Variants in QTMAN observed in about 807,000 individuals in gnomAD.
The protein encoded by QTMAN is tRNA-queuosine alpha-mannosyltransferase.
At chr2:144,014,205 G>A in the QTMAN span, among the ~76,000 whole-genome samples, 1 of 152,154 alleles carries the variant, frequency 6.6e-6, no homozygotes, top group Non-Finnish European at 1.5e-5. Context: ...GGTGGCACAT[G>A]TCTATGAAGG....
the QTMAN span, among the ~76,000 whole-genome samples, chr2:144,274,745 G>C: frequency 2.0e-5 from 3 of 152,068 alleles, no homozygotes; most frequent in Non-Finnish European, 4.4e-5. Flanking sequence ...TAATAACCCA[G>C]GAAACATAAG....
the QTMAN span, among the ~76,000 whole-genome samples, chr2:144,280,236 T>C: frequency 3.3e-5 from 5 of 152,176 alleles, no homozygotes; most frequent in African/African-American, 9.7e-5. Flanking sequence ...TTCTCTTTTA[T>C]TTACTAACAG....
chr2:144,255,734 T>G, the QTMAN span, among the ~76,000 whole-genome samples: 1 of 152,228 alleles, frequency 6.6e-6, no homozygotes, highest in Non-Finnish European at 1.5e-5. Flanking sequence ...CAGAGGATTT[T>G]TAGGGCATTA....
the QTMAN span, among the ~76,000 whole-genome samples, chr2:144,222,534 T>C: frequency 6.6e-6 from 1 of 151,298 alleles, no homozygotes; most frequent in African/African-American, 2.4e-5. Context: ...AGGCTGGGCG[T>C]GGTGGCTCAC....
chr2:144,061,779 G>T, the QTMAN span, among the ~76,000 whole-genome samples: 19 of 152,022 alleles, frequency 1.2e-4, no homozygotes, highest in Non-Finnish European at 2.4e-4. Flanking sequence ...CCCATCCTGT[G>T]CCCATATAAA....
the QTMAN span, among the ~76,000 whole-genome samples, chr2:144,018,659 G>T: frequency 6.6e-6 from 1 of 152,160 alleles, no homozygotes; most frequent in Non-Finnish European, 1.5e-5. Context: ...AGGCTTGAAG[G>T]CAAAGACAGC....
chr2:143,949,241 C>T, the QTMAN span, among the ~76,000 whole-genome samples: 1 of 151,926 alleles, frequency 6.6e-6, no homozygotes, highest in East Asian at 1.9e-4. Context: ...AAGTGTTCTG[C>T]GATAGAAGGA....
the QTMAN span, among the ~76,000 whole-genome samples, chr2:144,113,506 A>G: frequency 6.6e-6 from 1 of 152,340 alleles, no homozygotes; most frequent in African/African-American, 2.4e-5. Flanking sequence ...TTACACTCCC[A>G]GAAGAACAGA....
At chr2:144,302,533 C>A in the QTMAN span, among the ~76,000 whole-genome samples, 2 of 152,096 alleles carry the variant, frequency 1.3e-5, no homozygotes, top group African/African-American at 4.8e-5. Flanking sequence ...AAACTTATTA[C>A]CTCAAAAAGC....
chr2:144,332,534 C>G, the QTMAN span: 1 of 148,008 alleles, frequency 6.8e-6, no homozygotes, highest in Non-Finnish European at 1.5e-5. Flanking sequence ...GCGGCCGCCG[C>G]GGATGCCGCC....
chr2:144,214,076 G>A, the QTMAN span, among the ~76,000 whole-genome samples: 2 of 152,094 alleles, frequency 1.3e-5, no homozygotes, highest in Admixed American at 6.6e-5. Flanking sequence ...TCATTAAATA[G>A]TAAAAATAAG....
At chr2:144,222,249 C>T in the QTMAN span, among the ~76,000 whole-genome samples, 2 of 151,136 alleles carry the variant, frequency 1.3e-5, no homozygotes, top group South Asian at 4.2e-4. Context: ...TTAGTAGAGA[C>T]GAGGTTTCAC....
At chr2:144,087,458 G>A in the QTMAN span, among the ~76,000 whole-genome samples, 1 of 151,986 alleles carries the variant, frequency 6.6e-6, no homozygotes, top group Non-Finnish European at 1.5e-5. Context: ...CTCATTCTAT[G>A]AGGCCAGCAT....
At chr2:144,269,885 T>C in the QTMAN span, among the ~76,000 whole-genome samples, 3 of 151,756 alleles carry the variant, frequency 2.0e-5, no homozygotes, top group African/African-American at 7.2e-5. Context: ...TCATAAAATA[T>C]AACAGCATAT....
the QTMAN span, chr2:143,943,132 G>A: frequency 6.6e-6 from 1 of 151,970 alleles, no homozygotes; most frequent in Non-Finnish European, 1.5e-5. Context: ...TAATTCCCAG[G>A]TTTTCTGTAA....
the QTMAN span, among the ~76,000 whole-genome samples, chr2:144,087,692 CAAA>C: frequency 6.6e-6 from 1 of 151,942 alleles, no homozygotes; most frequent in Non-Finnish European, 1.5e-5. Flanking sequence ...TCAACAACAA[CAAA>C]AAACTATATA....
At chr2:144,101,026 C>T in the QTMAN span, among the ~76,000 whole-genome samples, 4 of 151,848 alleles carry the variant, frequency 2.6e-5, no homozygotes, top group African/African-American at 4.8e-5. Flanking sequence ...CCTGCCACCA[C>T]GCTGGCTAAT....
chr2:144,025,433 G>A, the QTMAN span, among the ~76,000 whole-genome samples: 4 of 152,286 alleles, frequency 2.6e-5, no homozygotes, highest in African/African-American at 7.2e-5. Context: ...CAAGGAGAAA[G>A]GCAAGCAATG....
the QTMAN span, among the ~76,000 whole-genome samples, chr2:144,072,414 A>G: frequency 6.6e-6 from 1 of 152,180 alleles, no homozygotes; most frequent in Non-Finnish European, 1.5e-5. Flanking sequence ...TTTCAGTTAC[A>G]TAGGCTATCT....
Sources: gnomAD v4.1 joint callset for allele counts (sites outside exome capture counted in the v4.1 genomes callset) on GRCh38, gnomAD v4.1.1 for gene constraint, MANE v1.5 for transcripts, NCBI Gene and HGNC (gene_info 2026-07-23, HGNC 2026-07-21) for gene names.